Variants in PEX16 observed in about 807,000 individuals in gnomAD.
The protein encoded by PEX16 is peroxin 16.
A neutral mutation model predicts 50.5 loss-of-function variants in PEX16; 37 were observed. The ratio of observed to expected loss-of-function variants is 0.73; its 90% confidence interval spans 0.56 to 0.96. PEX16 has a LOEUF of 0.96. Ranked by LOEUF, PEX16 falls within the 40% of genes least tolerant of loss-of-function variation. The pLI is 0.00. For missense variants in PEX16, 401 were observed against 438.3 expected, an observed-to-expected ratio of 0.91 and a Z score of 0.76; for synonymous variants, 185 against 190.3, an observed-to-expected ratio of 0.97 and a Z score of 0.23.
rs1026595479 is a variant in PEX16 at position 45,914,464 on chromosome 11, C to T, written c.546G>A (p.Pro182=). 1.2e-5 allele frequency: 20 copies of T among 1,607,618 alleles called. No individual in the cohort carries two copies. In the Admixed American group the frequency reaches 1.5e-4, roughly 12 times the overall value. Residue 182 remains proline (P), a synonymous_variant, in exon 7 of 11, where the codon CCG becomes CCA. Coordinates refer to ENST00000378750, the MANE Select transcript of PEX16 (RefSeq NM_004813.4). ...CTCCCCAGTGCCTGGAGTGCAGGGA[C>T]GGCGCTAGAACACAAGGGCGGCAGA... ...NRVVRTLQNT[P]SLHSRHWGAP... is the part of the protein sequence containing the mutation.
At chr11:45,915,617 G>C in intron 4 of PEX16, 49 bp from the exon 5 acceptor site, 1 of 1,612,716 alleles carries the variant, frequency 6.2e-7, no homozygotes, top group Non-Finnish European at 8.5e-7. Flanking sequence ...TAGCCGGCGG[G>C]AGGCCAGGGA....
At chr11:45,917,018 C>T (rs1167706848) in intron 2 of PEX16, 1 of 475,528 alleles carries the variant, frequency 2.1e-6, no homozygotes, top group East Asian at 6.5e-5. Flanking sequence ...ACTGTGACAG[C>T]AGTCACTGGG....
intron 2 of PEX16, chr11:45,917,039 T>C (rs2086843535): frequency 2.0e-6 from 1 of 490,704 alleles, no homozygotes; most frequent in African/African-American, 1.9e-5. Flanking sequence ...CAAACACTCT[T>C]GAGGTAGTTA....
chr11:45,918,516 T>G (rs1251323644), upstream of PEX16: 1 of 152,960 alleles, frequency 6.5e-6, no homozygotes, highest in Non-Finnish European at 1.5e-5. Context: ...CCGTATGGAC[T>G]GTGCCCCCCA....
rs901200512 is a variant in PEX16 at position 45,913,705 on chromosome 11, A to G, written c.887+114T>C. ...GGTGACTGCCACCCGGACAACACACAGTGCTTGGTGAACCCTGGATGAGGC... is the reference window on the plus strand; with the variant it reads ...GGTGACTGCCACCCGGACAACACACGGTGCTTGGTGAACCCTGGATGAGGC... On this transcript the variant is annotated intron_variant, in intron 9 of 10. Transcript: ENST00000378750. The G allele has an allele frequency of 8.7e-5, 108 of 1,246,656 alleles. 2 individuals are homozygous for G. In the South Asian group the frequency reaches 1.3e-3, roughly 15 times the overall value. The allele number at this position is 1,246,656 out of a possible 1,614,324, so 77.2% of individuals were successfully genotyped here.
intron 10 of PEX16, 150 bp from the exon 11 acceptor site, chr11:45,910,462 A>AC: frequency 5.6e-6 from 4 of 716,592 alleles, no homozygotes; most frequent in Non-Finnish European, 1.0e-5. Flanking sequence ...GGACTCTGGC[A>AC]CCATTTACAA....
Position 45,913,894 on chromosome 11 carries a change from C to T in PEX16, c.812G>A (p.Arg271Gln), listed in dbSNP as rs769838583. The change falls in exon 9 of 11, where the codon CGG becomes CAG. Residue 271 changes from arginine (R) to glutamine (Q), a missense_variant. Coordinates refer to ENST00000378750, the MANE Select transcript of PEX16 (RefSeq NM_004813.4). ...SDRKGLTRRERRELRRRTILL... is the reference protein window; with the variant it reads ...SDRKGLTRREQRELRRRTILL... The stretch of plus-strand genomic sequence containing the variant: ...GATGGTCCGGCGCCGCAGCTCCCGC[C>T]GCTCCCTCCGGGTCAGGCCCTTTCT... The T allele has an allele frequency of 1.1e-5, 17 of 1,613,344 alleles. No individual in the cohort carries two copies. The highest frequency in any genetic ancestry group is 6.7e-5 in the Admixed American group (4 of 59,998).
chr11:45,911,325 G>C (rs535058732), intron 9 of PEX16, among the ~76,000 whole-genome samples: 1 of 152,162 alleles, frequency 6.6e-6, no homozygotes, highest in Non-Finnish European at 1.5e-5. Flanking sequence ...CCCTGCCCTC[G>C]GGAAGCCCCC....
intron 9 of PEX16, 55 bp from the exon 10 acceptor site, chr11:45,911,017 C>G: frequency 7.8e-7 from 1 of 1,280,128 alleles, no homozygotes; most frequent in Non-Finnish European, 1.1e-6. Flanking sequence ...TGGGTCCCTG[C>G]AAACCAGGAG....
In PEX16 at chr11:45,913,887, C is replaced by G. The variant is rs1248898876; in HGVS notation, c.819G>C (p.Glu273Asp). The change falls in exon 9 of 11, where the codon GAG (glutamate) becomes GAC (aspartate). Residue 273 changes from glutamate to aspartate, a missense_variant. Glu to Asp is a conservative substitution (Grantham distance 45, BLOSUM62 2). Transcript: ENST00000378750. ...GCAGCAGGATGGTCCGGCGCCGCAG[C>G]TCCCGCCGCTCCCTCCGGGTCAGGC... ...RKGLTRRERR[E>D]LRRRTILLLY... 2 of 1,610,736 alleles carry G rather than the reference C, an allele frequency of 1.2e-6. No individual in the cohort carries two copies. The highest frequency in any genetic ancestry group is 4.5e-5 in the East Asian group (2 of 44,796).
rs1422443499 is a variant in PEX16 at position 45,914,221 on chromosome 11, A to G, written c.695-18T>C. Reference sequence around the variant, plus strand: ...GCTGAGCACTGACGGCCAAGGCGTCAAGGATGTCTCCAGCACAGGGGCCTT... The same window carrying G: ...GCTGAGCACTGACGGCCAAGGCGTCGAGGATGTCTCCAGCACAGGGGCCTT... On this transcript the variant is annotated intron_variant, in intron 7 of 10. Transcript: ENST00000378750. 6.2e-7 allele frequency: 1 copy of G among 1,613,606 alleles called. No individual in the cohort carries two copies. The highest frequency in any genetic ancestry group is 1.1e-5 in the South Asian group (1 of 91,058).
At chr11:45,917,320 C>G in intron 2 of PEX16, 138 bp downstream of exon 2, 1 of 771,252 alleles carries the variant, frequency 1.3e-6, no homozygotes, top group Non-Finnish European at 2.3e-6. Context: ...AACAACAGAC[C>G]TTGTGCCGAT....
In PEX16 at chr11:45,911,228, C is replaced by T. The variant is rs574917424; in HGVS notation, c.888-266G>A. 1.2e-3 allele frequency among the ~76,000 whole-genome samples: 187 copies of T among 152,340 alleles called. 3 individuals are homozygous for T. The highest frequency in any genetic ancestry group is 4.2e-3 in the African/African-American group (173 of 41,576). ...CTCCCATTCCTCTTTCCCCTTCCAC[C>T]GACATCCAACACTGAAGGCCTCTAG... is the stretch of plus-strand genomic sequence containing the variant. On this transcript the variant is annotated intron_variant, in intron 9 of 10. Transcript: ENST00000378750.
intron 2 of PEX16, 103 bp from the exon 3 acceptor site, chr11:45,916,406 A>C: frequency 1.2e-6 from 1 of 866,908 alleles, no homozygotes; most frequent in Non-Finnish European, 1.9e-6. Context: ...CTCTGCTCAG[A>C]CACCCACAGA....
At chr11:45,915,126 G>A (rs1260184322) in intron 5 of PEX16, among the ~76,000 whole-genome samples, 1 of 152,252 alleles carries the variant, frequency 6.6e-6, no homozygotes, top group Non-Finnish European at 1.5e-5. Flanking sequence ...AAGCCCTGAA[G>A]GGACAGATGT....
In PEX16 at chr11:45,909,881, G is replaced by A. The variant is rs2086756756; in HGVS notation, c.*373C>T. 5 of 600,240 alleles carry A rather than the reference G, an allele frequency of 8.3e-6. No homozygotes were observed. The East Asian group carries it at 1.4e-4, about 17-fold the overall frequency. 37.2% of individuals were successfully genotyped at this position (600,240 alleles called of 1,614,324 possible). A position where few individuals can be genotyped will look rare whatever the true frequency, so the allele number is the denominator to read the frequency against. On this transcript the variant is annotated 3_prime_UTR_variant, in exon 11 of 11. Transcript: ENST00000378750. ...TGGGCAGCGTTCAGCCATCACCCGG[G>A]TTCAGGCTTCCTGTCCTCACCAGGG...
In PEX16 at chr11:45,910,173, G is replaced by A; in HGVS notation, c.*81C>T. 1 of 1,612,236 alleles carries A rather than the reference G, an allele frequency of 6.2e-7. No homozygotes were observed. The highest frequency in any genetic ancestry group is 8.5e-7 in the Non-Finnish European group (1 of 1,179,934). On this transcript the variant is annotated 3_prime_UTR_variant, in exon 11 of 11. Coordinates refer to ENST00000378750, the MANE Select transcript of PEX16 (RefSeq NM_004813.4). ...GTAGGCACGGAGAGGCCGCACGCTG[G>A]GACGCTGCCGGAGTCAGTTTTATTA...
intron 1 of PEX16, 77 bp downstream of exon 1, chr11:45,917,623 C>G: frequency 6.7e-7 from 1 of 1,489,116 alleles, no homozygotes; most frequent in Middle Eastern, 1.7e-4. Context: ...GATCACTACC[C>G]TGACTCCGCA....
intron 2 of PEX16, chr11:45,916,986 A>G (rs1306609370): frequency 6.5e-6 from 3 of 463,408 alleles, no homozygotes; most frequent in Non-Finnish European, 1.3e-5. Context: ...CTGCTTTTCA[A>G]AACCCAGTGC....
Sources: allele counts gnomAD v4.1 joint callset (sites outside exome capture counted in the v4.1 genomes callset), GRCh38; gene constraint gnomAD v4.1.1; transcripts MANE v1.5; gene names NCBI Gene and HGNC (gene_info 2026-07-23, HGNC 2026-07-21).